Variants in MAPK10 observed in about 807,000 individuals in gnomAD.
MAPK10 encodes the protein JNK3 alpha protein kinase.
Under a neutral mutation model 59.3 loss-of-function variants are expected in MAPK10, and 25 were observed. That is an observed-to-expected ratio of 0.42 (90% CI 0.31 to 0.59). The LOEUF (loss-of-function observed/expected upper bound fraction) is 0.59. Among genes scored for constraint, MAPK10 ranks in the 20% least tolerant of loss-of-function variants. The pLI, the probability that MAPK10 is intolerant of heterozygous loss-of-function variation, is 0.15. For synonymous variants in MAPK10, 190 were observed against 200.5 expected (o/e 0.95, Z 0.44); for missense variants, 351 against 568.9 (o/e 0.62, Z 3.90).
intron 3 of MAPK10, among the ~76,000 whole-genome samples, chr4:86,189,781 C>A (rs1368741587): frequency 6.6e-6 from 1 of 152,140 alleles, no homozygotes; most frequent in African/African-American, 2.4e-5. Context: ...ACTTCCAATA[C>A]TCTGTTGAAT....
At chr4:86,316,955 A>G (rs1336085733) in intron 2 of MAPK10, among the ~76,000 whole-genome samples, 1 of 152,154 alleles carries the variant, frequency 6.6e-6, no homozygotes, top group Non-Finnish European at 1.5e-5. Flanking sequence ...TTAATACTCA[A>G]AATTTTTTAA....
chr4:86,036,594 T>G (rs932469627), intron 11 of MAPK10, among the ~76,000 whole-genome samples: 5 of 152,186 alleles, frequency 3.3e-5, no homozygotes, highest in African/African-American at 1.2e-4. Context: ...ATATAGCTAA[T>G]TAATGATGAA....
chr4:86,382,131 C>G (rs1404171208), intron 1 of MAPK10, among the ~76,000 whole-genome samples: 2 of 152,030 alleles, frequency 1.3e-5, no homozygotes, highest in Non-Finnish European at 2.9e-5. Context: ...AAAAATGTCT[C>G]CAGACTCTGC....
chr4:86,254,578 G>C (rs1449740859), intron 2 of MAPK10, among the ~76,000 whole-genome samples: 1 of 136,320 alleles, frequency 7.3e-6, no homozygotes, highest in Non-Finnish European at 1.5e-5. Flanking sequence ...ATTTGCTGAG[G>C]AGAGCTTTAC....
At chr4:86,092,280 T>C (rs2149052600) in intron 9 of MAPK10, among the ~76,000 whole-genome samples, 1 of 152,258 alleles carries the variant, frequency 6.6e-6, no homozygotes, top group African/African-American at 2.4e-5. Context: ...TTACTCACCA[T>C]TCACTATTCC....
At chr4:86,338,494 G>T (rs1722905420) in intron 2 of MAPK10, among the ~76,000 whole-genome samples, 1 of 152,164 alleles carries the variant, frequency 6.6e-6, no homozygotes, top group Non-Finnish European at 1.5e-5. Context: ...CTCCATCTCA[G>T]GACAGTTTGG....
intron 1 of MAPK10, among the ~76,000 whole-genome samples, chr4:86,467,312 C>T (rs1752288255): frequency 6.6e-6 from 1 of 152,128 alleles, no homozygotes; most frequent in African/African-American, 2.4e-5. Context: ...TCACAGCAAC[C>T]AGTTAAAAGT....
At chr4:86,191,479 G>A (rs1041979411) in intron 3 of MAPK10, 2 of 145,964 alleles carry the variant, frequency 1.4e-5, no homozygotes, top group Non-Finnish European at 3.0e-5. Flanking sequence ...TTGTTGCATT[G>A]ACCCCTTTAC....
At chr4:86,545,733 A>G (rs1316046279) in intron 1 of MAPK10, among the ~76,000 whole-genome samples, 2 of 152,196 alleles carry the variant, frequency 1.3e-5, no homozygotes, top group African/African-American at 4.8e-5. Context: ...ACATTTTAGC[A>G]CTTCAAATAC....
chr4:86,173,920 G>A (rs2075025887), intron 3 of MAPK10, among the ~76,000 whole-genome samples: 1 of 125,364 alleles, frequency 8.0e-6, no homozygotes, highest in Admixed American at 7.7e-5. Flanking sequence ...ACCACAATGA[G>A]ATAACATCTC....
intron 9 of MAPK10, among the ~76,000 whole-genome samples, chr4:86,084,648 C>T (rs1251993648): frequency 6.6e-6 from 1 of 151,862 alleles, no homozygotes; most frequent in Non-Finnish European, 1.5e-5. Flanking sequence ...TTGGAAAAAC[C>T]AATATTGTTA....
chr4:86,199,724 T>C (rs1363001111), intron 2 of MAPK10, among the ~76,000 whole-genome samples: 1 of 152,030 alleles, frequency 6.6e-6, no homozygotes, highest in Admixed American at 6.6e-5. Context: ...ATGAAACATA[T>C]ATTATTGGAT....
upstream of MAPK10, chr4:86,360,080 G>A (rs1736603813): frequency 2.0e-6 from 2 of 985,928 alleles, no homozygotes; most frequent in Non-Finnish European, 2.4e-6. Flanking sequence ...GACGGACAGA[G>A]GGCTTGGGGA....
chr4:86,174,623 A>T (rs112229973), intron 3 of MAPK10, among the ~76,000 whole-genome samples: 33 of 152,252 alleles, frequency 2.2e-4, no homozygotes, highest in African/African-American at 7.0e-4. Context: ...AAATTTTTTT[A>T]AAAAGGTGAT....
In MAPK10 at chr4:86,551,884, C is replaced by T. The variant is rs548729175; in HGVS notation, c.-263+42026G>A. On this transcript the variant is annotated intron_variant, in intron 1 of 4. Transcript: ENST00000502302. ...CCTCCCAAAGTGCTGGGATTACAGG[C>T]GTAAGCCACTGCACCCAGCCATGAG... is the stretch of plus-strand genomic sequence containing the variant. Among the ~76,000 whole-genome samples the T allele has an allele frequency of 9.3e-4, 141 of 152,234 alleles. 1 individual carries two copies. The highest frequency in any genetic ancestry group is 3.4e-3 in the Middle Eastern group (1 of 294).
chr4:86,034,038 A>G (rs2039666719), intron 11 of MAPK10, among the ~76,000 whole-genome samples: 1 of 152,222 alleles, frequency 6.6e-6, no homozygotes, highest in South Asian at 2.1e-4. Context: ...TTCTTTTGCT[A>G]AGTGACAATC....
rs1402707593 is a variant in MAPK10 at position 86,101,214 on chromosome 4, A to G, written c.568T>C (p.Leu190=). The change falls in exon 8 of 14, where the codon TTA becomes CTA. Residue 190 remains leucine (L), a synonymous_variant. Transcript: ENST00000641462. The part of the protein sequence containing the change: ...LHSAGIIHRD[L]KPSNIVVKSD... ...TTGACTACAATGTTACTTGGTTTTA[A>G]ATCCTAACAGTAAGGATAAGGGAAA... The G allele has an allele frequency of 6.2e-7, 1 of 1,613,280 alleles. No homozygotes were observed. The highest frequency in any genetic ancestry group is 8.5e-7 in the Non-Finnish European group (1 of 1,179,368).
At chr4:86,152,976 C>T (rs1313748948) in intron 4 of MAPK10, among the ~76,000 whole-genome samples, 2 of 152,168 alleles carry the variant, frequency 1.3e-5, no homozygotes, top group Non-Finnish European at 2.9e-5. Flanking sequence ...GCTAGATTAA[C>T]TTGTTAGATA....
rs886492266 is a variant in MAPK10, at chr4:86,014,959, C to A, written c.*2269G>T. 7.0e-6 allele frequency: 1 copy of A among 142,490 alleles called. No homozygotes were observed. 8.8% of individuals were successfully genotyped at this position (142,490 alleles called of 1,614,324 possible). On this transcript the variant is annotated 3_prime_UTR_variant, in exon 14 of 14. Transcript: ENST00000641462. ...CACAGATATATCAAGAGAAAAGTAC[C>A]GAGAAAGAAAATCAGTAAAGAATTA...
Sources: allele counts gnomAD v4.1 joint callset (sites outside exome capture counted in the v4.1 genomes callset), GRCh38; gene constraint gnomAD v4.1.1; transcripts MANE v1.5; gene names NCBI Gene and HGNC (gene_info 2026-07-23, HGNC 2026-07-21).